Variants in FAM83F observed in about 807,000 individuals in gnomAD.
FAM83F encodes the protein protein FAM83F.
A neutral mutation model predicts 42.9 loss-of-function variants in FAM83F; 45 were observed. That is an observed-to-expected ratio of 1.05 (90% CI 0.83 to 1.35). FAM83F has a LOEUF of 1.35. FAM83F is among the 40% of genes most tolerant of loss of function. The pLI, the probability that FAM83F is intolerant of heterozygous loss-of-function variation, is 0.00. For synonymous variants in FAM83F, 306 were observed against 298.3 expected (o/e 1.03, Z -0.27); for missense variants, 617 against 695.9 (o/e 0.89, Z 1.28).
In FAM83F at chr22:40,040,648, A is replaced by G. The variant is rs2067646823; in HGVS notation, c.*11083A>G. The G allele has an allele frequency of 6.6e-6, 1 of 152,242 alleles. No homozygotes were observed. Among genetic ancestry groups the G allele is most frequent in the African/African-American group, 2.4e-5 (1 of 41,460 alleles). 9.4% of individuals were successfully genotyped at this position (152,242 alleles called of 1,614,324 possible). On this transcript the variant is annotated 3_prime_UTR_variant, in exon 5 of 5. Coordinates refer to ENST00000333407, the MANE Select transcript of FAM83F (RefSeq NM_138435.4). Reference sequence around the variant, plus strand: ...GCACAGTAAATGCTCCCAGACATGCAATAAATGCTTATAAGCATGCCCTCT... The same window carrying G: ...GCACAGTAAATGCTCCCAGACATGCGATAAATGCTTATAAGCATGCCCTCT...
At chr22:40,022,785 CCA>C (rs2067529865) in intron 4 of FAM83F, among the ~76,000 whole-genome samples, 2 of 152,222 alleles carry the variant, frequency 1.3e-5, no homozygotes, top group South Asian at 4.1e-4. Flanking sequence ...GCTGTGGAGC[CCA>C]GTGATGAGAA....
rs575537665 is a variant in FAM83F, at chr22:39,995,187, C to G, written c.145C>G (p.Arg49Gly). ...CGGCGGCGAGCAGGCCTACCGCGAG[C>G]GGCTCAAGGAGGAGCAGCTGCGGGA... ...LGGGEQAYRE[R>G]LKEEQLRDFL... Residue 49 changes from arginine to glycine, a missense_variant, in exon 1 of 5, where the codon CGG (arginine) becomes GGG (glycine). Coordinates refer to ENST00000333407, the MANE Select transcript of FAM83F (RefSeq NM_138435.4). This position sits in a 1 kb window ranked among gnomAD's most constrained non-coding sequence, Gnocchi z 4.6. 6.7e-7 allele frequency: 1 copy of G among 1,492,956 alleles called. No individual in the cohort carries two copies. Among genetic ancestry groups the G allele is most frequent in the Non-Finnish European group, 8.8e-7 (1 of 1,130,362 alleles). 92.5% of individuals were successfully genotyped at this position (1,492,956 alleles called of 1,614,324 possible).
At chr22:40,017,560 T>C (rs1261049978) in intron 1 of FAM83F, among the ~76,000 whole-genome samples, 1 of 152,220 alleles carries the variant, frequency 6.6e-6, no homozygotes, top group South Asian at 2.1e-4. Flanking sequence ...ATGGTGCATC[T>C]CACTAAGTCC....
chr22:40,001,169 T>A (rs1244079206), intron 1 of FAM83F, among the ~76,000 whole-genome samples: 1 of 152,214 alleles, frequency 6.6e-6, no homozygotes, highest in Non-Finnish European at 1.5e-5. Context: ...AGCTGGCATT[T>A]CTGAGCAATG....
At chr22:40,027,231 A>AAG (rs2067558608) in intron 4 of FAM83F, among the ~76,000 whole-genome samples, 1 of 152,138 alleles carries the variant, frequency 6.6e-6, no homozygotes, top group Non-Finnish European at 1.5e-5. Context: ...CATCTGAGGG[A>AAG]AGATTCTTCC....
At chr22:40,000,300 G>A (rs2067392897) in intron 1 of FAM83F, among the ~76,000 whole-genome samples, 1 of 152,182 alleles carries the variant, frequency 6.6e-6, no homozygotes, top group Admixed American at 6.5e-5. Context: ...CTCCAGAGCA[G>A]GAGGCATGGC....
At chr22:40,026,806 T>C (rs1439419066) in intron 4 of FAM83F, among the ~76,000 whole-genome samples, 10 of 152,168 alleles carry the variant, frequency 6.6e-5, no homozygotes, top group Non-Finnish European at 1.2e-4. Context: ...TCTGGCTCTG[T>C]AGAGCTGTGG....
chr22:40,018,307 T>C (rs561103419), intron 1 of FAM83F, among the ~76,000 whole-genome samples: 9 of 152,148 alleles, frequency 5.9e-5, no homozygotes, highest in Non-Finnish European at 1.2e-4. Context: ...TTTGAGCAGA[T>C]GTGTGGCTCA....
At chr22:40,017,228 T>TC (rs1454929529) in intron 1 of FAM83F, among the ~76,000 whole-genome samples, 1 of 146,636 alleles carries the variant, frequency 6.8e-6, no homozygotes, top group Non-Finnish European at 1.5e-5. Context: ...GCACTTTCTT[T>TC]TTTTTTTTTT....
At chr22:40,018,482 A>G (rs941966334) in intron 1 of FAM83F, among the ~76,000 whole-genome samples, 1 of 151,984 alleles carries the variant, frequency 6.6e-6, no homozygotes, top group Non-Finnish European at 1.5e-5. Context: ...TCTATCACCC[A>G]GGCTGGAGTG....
rs2067599885 is a variant in FAM83F at position 40,033,109 on chromosome 22, A to G, written c.*3544A>G. 6.6e-6 allele frequency: 1 copy of G among 151,794 alleles called. No homozygotes were observed. The highest frequency in any genetic ancestry group is 2.4e-5 in the African/African-American group (1 of 41,324). 9.4% of individuals were successfully genotyped at this position (151,794 alleles called of 1,614,324 possible). A position where few individuals can be genotyped will look rare whatever the true frequency, so the allele number is the denominator to read the frequency against. ...ATTGTTTTGTTTTTTTTTTGAGACA[A>G]TGTCTTGCTCTGTCGATCAGGCTGG... On this transcript the variant is annotated 3_prime_UTR_variant, in exon 5 of 5. Transcript: ENST00000333407.
At chr22:40,013,116 CT>C (rs2067476012) in intron 1 of FAM83F, among the ~76,000 whole-genome samples, 1 of 146,662 alleles carries the variant, frequency 6.8e-6, no homozygotes, top group Non-Finnish European at 1.5e-5. Context: ...AAGACTGCTC[CT>C]TTTTACATAC....
At chr22:40,008,789 C>T (rs1481921838) in intron 1 of FAM83F, among the ~76,000 whole-genome samples, 2 of 152,194 alleles carry the variant, frequency 1.3e-5, no homozygotes, top group African/African-American at 4.8e-5. Flanking sequence ...ACAACCTGCC[C>T]CATAGACCTT....
chr22:39,995,618 C>A lies in FAM83F; in HGVS notation c.489+87C>A. 1 of 1,440,378 alleles carries A rather than the reference C, an allele frequency of 6.9e-7. No homozygotes were observed. Among genetic ancestry groups the A allele is most frequent in the Non-Finnish European group, 9.1e-7 (1 of 1,097,918 alleles). The allele number at this position is 1,440,378 out of a possible 1,614,324, so 89.2% of individuals were successfully genotyped here. A position where few individuals can be genotyped will look rare whatever the true frequency, so the allele number is the denominator to read the frequency against. ...CCCACCTCCCAGGCAGGGCCCGGGG[C>A]AGGCCGCCCTGAGCACCCTCTGGAA... is the stretch of plus-strand genomic sequence containing the variant. On this transcript the variant is annotated intron_variant, in intron 1 of 4. Transcript: ENST00000333407. The surrounding 1 kb of genome is among the most constrained non-coding windows in gnomAD (Gnocchi z 4.6).
chr22:40,004,636 C>T (rs1253431780), intron 1 of FAM83F, among the ~76,000 whole-genome samples: 1 of 152,062 alleles, frequency 6.6e-6, no homozygotes, highest in African/African-American at 2.4e-5. Flanking sequence ...GGGGTTTCAC[C>T]GTGTTGGCCA....
Position 40,019,277 on chromosome 22 carries a change from G to T in FAM83F, c.599G>T (p.Gly200Val), listed in dbSNP as rs775584288. 5 of 1,614,184 alleles carry T rather than the reference G, an allele frequency of 3.1e-6. No individual in the cohort carries two copies. The highest frequency in any genetic ancestry group is 4.2e-6 in the Non-Finnish European group (5 of 1,180,028). Residue 200 changes from glycine (G) to valine (V), a missense_variant, in exon 2 of 5, where the codon GGA (glycine) becomes GTA (valine). Transcript: ENST00000333407. ...GTGTACATCATCCTGGACGAGGCAG[G>T]AGTGAAGTATTTCCTGGAGATGTGT... ...VPVYIILDEA[G>V]VKYFLEMCQD...
intron 2 of FAM83F, 97 bp from the exon 3 acceptor site, chr22:40,019,790 G>C (rs1964717052): frequency 2.0e-6 from 3 of 1,466,756 alleles, no homozygotes; most frequent in Non-Finnish European, 2.7e-6. Context: ...CTGCAGGCAG[G>C]GTCCATACAC....
chr22:40,011,479 T>G (rs1007945136), intron 1 of FAM83F, among the ~76,000 whole-genome samples: 1 of 152,130 alleles, frequency 6.6e-6, no homozygotes, highest in African/African-American at 2.4e-5. Flanking sequence ...GTGCTCCTGA[T>G]AGTTTATCTC....
At chr22:40,014,131 C>CTTTTTTTTTTTTTTTTTTTTCT (rs57224519) in intron 1 of FAM83F, among the ~76,000 whole-genome samples, 1 of 116,812 alleles carries the variant, frequency 8.6e-6, no homozygotes. Flanking sequence ...TATTTCTTTT[C>CTTTTTTTTTTTTTTTTTTTTCT]TTTTTTTTTT....
Sources: allele counts gnomAD v4.1 joint callset (sites outside exome capture counted in the v4.1 genomes callset), GRCh38; gene constraint gnomAD v4.1.1; non-coding constraint Gnocchi (gnomAD v3.1); transcripts MANE v1.5; gene names NCBI Gene and HGNC (gene_info 2026-07-23, HGNC 2026-07-21).